The following PRSS53 variants were observed in gnomAD, a reference collection of about 807,000 sequenced individuals.
PRSS53 encodes the protein EDTP308.
In PRSS53, 54 loss-of-function variants were observed where a neutral mutation model predicts 62.7. That is an observed-to-expected ratio of 0.86 (90% CI 0.69 to 1.08). The LOEUF is 1.08. PRSS53 is among the 50% of genes least tolerant of loss of function. The probability of loss-of-function intolerance (pLI) is 0.00; values close to 1 mark genes in which losing one functional copy is unlikely to be tolerated. For missense variants in PRSS53, 688 were observed against 728.3 expected, an observed-to-expected ratio of 0.94 and a Z score of 0.64; for synonymous variants, 273 against 300.0, an observed-to-expected ratio of 0.91 and a Z score of 0.93.
rs748661621 is a variant in PRSS53 at position 31,086,479 on chromosome 16, AG to A, written c.520del (p.Leu174TyrfsTer85). On this transcript the variant is annotated frameshift_variant, in exon 5 of 11. Transcript: ENST00000280606. LOFTEE classifies it high-confidence loss of function. ...GATGAGACGCAGGCGCAGATTGCGT[AG>A]GGTCCCAGGAGCTGGTGAAAGAGAC... 6.2e-7 allele frequency: 1 copy of A among 1,613,104 alleles called. No homozygotes were observed.
In PRSS53 at chr16:31,085,234, G is replaced by T. The variant is rs2057220304; in HGVS notation, c.910C>A (p.Pro304Thr). The T allele has an allele frequency of 1.3e-6, 2 of 1,593,186 alleles. No homozygotes were observed. The highest frequency in any genetic ancestry group is 1.3e-5 in the African/African-American group (1 of 74,584). The change falls in exon 7 of 11, where the codon CCC becomes ACC. Residue 304 changes from proline to threonine, a missense_variant. Transcript: ENST00000280606. The stretch of plus-strand genomic sequence containing the variant: ...CATGGGGAGGGTGCTCCTGCCTGGG[G>T]ACCTGCTGTCCTCAAGGATCCACAG...
intron 1 of PRSS53, chr16:31,088,076 T>C (rs760628674): frequency 3.1e-5 from 43 of 1,408,844 alleles, no homozygotes; most frequent in Non-Finnish European, 3.4e-5. Context: ...GGGTTCAGCT[T>C]GGGAGTAGGC....
At chr16:31,085,250 G>A (rs1003813371) in exon 7 of PRSS53, 1 of 1,577,266 alleles carries the variant, frequency 6.3e-7, no homozygotes, top group Non-Finnish European at 8.6e-7. Context: ...CTGTCCTCAA[G>A]GATCCACAGG....
intron 1 of PRSS53, chr16:31,088,268 C>T (rs1221655584): frequency 2.6e-6 from 3 of 1,136,408 alleles, no homozygotes; most frequent in Admixed American, 4.2e-5. Flanking sequence ...AGACTTACCT[C>T]ACCCTGGTCT....
At position 31,088,734 on chromosome 16, in the gene PRSS53, C is replaced by T; in HGVS notation, c.58+18G>A. 1 of 1,613,170 alleles carries T rather than the reference C, an allele frequency of 6.2e-7. No individual in the cohort carries two copies. On this transcript the variant is annotated intron_variant, in intron 1 of 10. Transcript: ENST00000280606. ...CCCCCACCAGGCCACACCCATACCC[C>T]AGCACATGGCGGCTTACCCTCCATG...
intron 10 of PRSS53, 143 bp downstream of exon 10, chr16:31,083,974 AAG>A (rs1478903025): frequency 6.7e-7 from 1 of 1,500,770 alleles, no homozygotes; most frequent in African/African-American, 1.4e-5. Flanking sequence ...CACGATGACA[AAG>A]AACCAGAATC....
At chr16:31,083,471 A>T in exon 11 of PRSS53, 1 of 1,318,380 alleles carries the variant, frequency 7.6e-7, no homozygotes, top group Non-Finnish European at 9.7e-7. Context: ...GTTTAAAAAA[A>T]GGAAAACTGC....
At chr16:31,085,722 C>A (rs1354510296) in intron 6 of PRSS53, among the ~76,000 whole-genome samples, 6 of 152,174 alleles carry the variant, frequency 3.9e-5, no homozygotes, top group Non-Finnish European at 8.8e-5. Flanking sequence ...CTGCTGGAAG[C>A]CTGCCACTTC....
In PRSS53 at chr16:31,086,495, G is replaced by A. The variant is rs770879265; in HGVS notation, c.509-4C>T. On this transcript the variant is annotated splice_polypyrimidine_tract_variant and splice_region_variant and intron_variant, in intron 4 of 10. Coordinates refer to ENST00000280606, the Ensembl canonical transcript of PRSS53. The stretch of plus-strand genomic sequence containing the variant: ...AGATTGCGTAGGGTCCCAGGAGCTG[G>A]TGAAAGAGACGGGGCTGGGGCTAGA... 55 of 1,609,888 alleles carry A rather than the reference G, an allele frequency of 3.4e-5. No individual in the cohort carries two copies. Among genetic ancestry groups the A allele is most frequent in the Non-Finnish European group, 4.3e-5 (51 of 1,177,060 alleles).
exon 4 of PRSS53, chr16:31,086,767 T>A (rs1381599653): frequency 1.2e-6 from 2 of 1,612,742 alleles, no homozygotes; most frequent in Admixed American, 3.3e-5. Context: ...GTCTGAGCCC[T>A]GGCTGTAGTG....
intron 10 of PRSS53, 43 bp from the exon 11 acceptor site, chr16:31,083,852 G>A (rs2057196742): frequency 6.2e-7 from 1 of 1,613,142 alleles, no homozygotes. Context: ...CATCCTCACG[G>A]CTTTGGTCCC....
At chr16:31,084,783 C>A (rs747453677) in exon 8 of PRSS53, 13 of 1,556,324 alleles carry the variant, frequency 8.4e-6, no homozygotes, top group Non-Finnish European at 1.1e-5. Flanking sequence ...CACCTACCTG[C>A]TCCTGGGCGG....
At chr16:31,087,197 A>G in intron 3 of PRSS53, 2 of 521,110 alleles carry the variant, frequency 3.8e-6, no homozygotes. Context: ...TGGTCTTGCT[A>G]TGTTGCACAG....
At chr16:31,084,322 G>A (rs571013204) in exon 10 of PRSS53, 6 of 1,612,130 alleles carry the variant, frequency 3.7e-6, no homozygotes, top group Middle Eastern at 1.7e-4. Flanking sequence ...CACCAGTGGT[G>A]CCCCAGACAG....
chr16:31,086,483 TC>T lies in PRSS53; in HGVS notation c.516del (p.Thr173ProfsTer86). On this transcript the variant is annotated frameshift_variant, in exon 5 of 11. Transcript: ENST00000280606. LOFTEE classifies it high-confidence loss of function. ...AGACGCAGGCGCAGATTGCGTAGGG[TC>T]CCAGGAGCTGGTGAAAGAGACGGGG... The T allele has an allele frequency of 1.2e-6, 2 of 1,611,734 alleles. No individual in the cohort carries two copies. Among genetic ancestry groups the T allele is most frequent in the Non-Finnish European group, 8.5e-7 (1 of 1,178,494 alleles).
chr16:31,087,902 G>T (rs547542056), intron 1 of PRSS53, 76 bp from the exon 2 acceptor site: 4 of 1,589,918 alleles, frequency 2.5e-6, no homozygotes, highest in African/African-American at 1.3e-5. Flanking sequence ...GGGATGGGCT[G>T]GGGGGCGGGC....
exon 8 of PRSS53, chr16:31,084,981 G>T (rs866819500): frequency 6.4e-7 from 1 of 1,571,306 alleles, no homozygotes; most frequent in Middle Eastern, 1.7e-4. Flanking sequence ...CACTCCTCCG[G>T]TCTGGTCCCC....
intron 6 of PRSS53, 122 bp from the exon 7 acceptor site, chr16:31,085,382 C>G: frequency 1.7e-6 from 2 of 1,210,442 alleles, no homozygotes; most frequent in Non-Finnish European, 2.2e-6. Context: ...ACCAAAGTTC[C>G]AGAGAGGTTA....
intron 3 of PRSS53, 175 bp downstream of exon 3, chr16:31,087,362 A>T: frequency 1.6e-6 from 1 of 618,732 alleles, no homozygotes; most frequent in Non-Finnish European, 2.9e-6. Flanking sequence ...TAAATCTTCT[A>T]CCATGAAAGG....
Sources: allele counts gnomAD v4.1 joint callset (sites outside exome capture counted in the v4.1 genomes callset), GRCh38; gene constraint gnomAD v4.1.1; transcripts MANE v1.5; gene names NCBI Gene and HGNC (gene_info 2026-07-23, HGNC 2026-07-21).